Variants in CCDC9 observed in about 807,000 individuals in gnomAD.
The protein encoded by CCDC9 is coiled-coil domain containing 9.
CCDC9 carries 52 observed loss-of-function variants against 65.6 expected under a neutral mutation model. The ratio of observed to expected loss-of-function variants is 0.79; its 90% confidence interval spans 0.63 to 1.00. The LOEUF (loss-of-function observed/expected upper bound fraction) is 1.00, where lower values mean the gene tolerates loss of function less well. CCDC9 is among the 50% of genes least tolerant of loss of function. The pLI is 0.00. For synonymous variants in CCDC9, 332 were observed against 280.3 expected (o/e 1.18, Z -1.84); for missense variants, 834 against 757.2 (o/e 1.10, Z -1.19).
chr19:47,264,616 G>A lies in CCDC9; in HGVS notation c.476G>A (p.Arg159Gln), dbSNP rs748559994. Reference protein sequence around the residue: ...SDRKSKEWEERRRQNIEKMNE... With the variant: ...SDRKSKEWEEQRRQNIEKMNE... ...TTATCCCCCCAGGAGTGGGAGGAGC[G>A]GCGCAGGCAGAACATTGAGAAGATG... The change falls in exon 6 of 12, where the codon CGG (arginine) becomes CAG (glutamine). Residue 159 changes from arginine to glutamine, a missense_variant. Coordinates refer to ENST00000221922, the MANE Select transcript of CCDC9 (RefSeq NM_015603.3). 28 of 1,598,740 alleles carry A rather than the reference G, an allele frequency of 1.8e-5. No homozygotes were observed. Among genetic ancestry groups the A allele is most frequent in the Admixed American group, 1.0e-4 (6 of 57,696 alleles).
chr19:47,272,180 C>T, downstream of CCDC9: 1 of 1,230,038 alleles, frequency 8.1e-7, no homozygotes, highest in Non-Finnish European at 1.0e-6. Context: ...GTGCATGGGG[C>T]ATGGGATGGA....
At chr19:47,274,926 G>C (rs1405393886), downstream of CCDC9, 4 of 1,326,486 alleles carry the variant, frequency 3.0e-6, no homozygotes, top group Non-Finnish European at 3.8e-6. Context: ...GGGGATGCGG[G>C]GGACCAGCTG....
In CCDC9 at chr19:47,271,539, C is replaced by T. The variant is rs1404288355; in HGVS notation, c.1457C>T (p.Pro486Leu). ...PLLEPQAPGT[P>L]SSPFSPPSGH... ...CTGGAGCCCCAGGCCCCTGGCACGC[C>T]TTCCAGCCCTTTCTCACCACCCAGC... Residue 486 changes from proline to leucine, a missense_variant, in exon 12 of 12, where the codon CCT (proline) becomes CTT (leucine). Transcript: ENST00000221922. 6.2e-7 allele frequency: 1 copy of T among 1,613,268 alleles called. No homozygotes were observed. Among genetic ancestry groups the T allele is most frequent in the South Asian group, 1.1e-5 (1 of 91,056 alleles).
At chr19:47,264,505 G>T in intron 5 of CCDC9, 98 bp from the exon 6 acceptor site, 1 of 1,159,850 alleles carries the variant, frequency 8.6e-7, no homozygotes. Flanking sequence ...AGGCCAGTCC[G>T]AGGAGAGGAG....
chr19:47,267,707 C>T (rs2059091508), intron 8 of CCDC9, among the ~76,000 whole-genome samples: 2 of 152,128 alleles, frequency 1.3e-5, no homozygotes, highest in South Asian at 2.1e-4. Flanking sequence ...ACACCGGTGG[C>T]GGCAGGGACA....
At chr19:47,272,434 G>T (rs570007111), downstream of CCDC9, among the ~76,000 whole-genome samples, 7 of 152,072 alleles carry the variant, frequency 4.6e-5, no homozygotes, top group Non-Finnish European at 1.0e-4. Flanking sequence ...TTTTGGAGTC[G>T]AGCTCAGGGG....
chr19:47,275,166 C>T (rs562916215), downstream of CCDC9: 3 of 1,466,840 alleles, frequency 2.0e-6, no homozygotes, highest in South Asian at 1.4e-5. Flanking sequence ...CCCGGGCGTG[C>T]CGCCTGTCCC....
At chr19:47,266,307 G>C (rs2059082119) in intron 7 of CCDC9, 2 of 336,690 alleles carry the variant, frequency 5.9e-6, no homozygotes, top group South Asian at 1.7e-4. Context: ...AGAAGAGTTT[G>C]GAGGCAGAGC....
At chr19:47,275,140 C>T, downstream of CCDC9, 2 of 1,491,616 alleles carry the variant, frequency 1.3e-6, no homozygotes, top group South Asian at 2.5e-5. Flanking sequence ...GCGCCGTCCC[C>T]TCCGTGTGCT....
intron 5 of CCDC9, among the ~76,000 whole-genome samples, chr19:47,263,382 G>A (rs188907897): frequency 9.0e-4 from 137 of 152,230 alleles, no homozygotes; most frequent in African/African-American, 3.1e-3. Flanking sequence ...GAGGTCTGGA[G>A]GAAACCCGGC....
chr19:47,266,865 T>G (rs2059085862), intron 8 of CCDC9, 73 bp downstream of exon 8: 1 of 1,515,534 alleles, frequency 6.6e-7, no homozygotes, highest in Non-Finnish European at 8.9e-7. Flanking sequence ...CCTATGCCTC[T>G]CTCTGGTTTT....
At chr19:47,274,760 G>A (rs1171413913), downstream of CCDC9, 3 of 357,980 alleles carry the variant, frequency 8.4e-6, no homozygotes, top group Admixed American at 6.4e-5. Context: ...GTGGGCCTAG[G>A]ATGCGGAGGC....
chr19:47,275,345 G>C (rs1211065804), downstream of CCDC9: 41 of 1,541,666 alleles, frequency 2.7e-5, 1 homozygote, highest in Admixed American at 7.9e-4. Flanking sequence ...GAAGACCCGG[G>C]TAACTCTCCC....
At chr19:47,265,070 T>A in intron 7 of CCDC9, 124 bp downstream of exon 7, 1 of 798,760 alleles carries the variant, frequency 1.3e-6, no homozygotes, top group Non-Finnish European at 1.7e-6. Context: ...AGGACTTTTT[T>A]TTTTTGAGAC....
chr19:47,265,229 G>A (rs553172766), intron 7 of CCDC9, among the ~76,000 whole-genome samples: 4 of 151,956 alleles, frequency 2.6e-5, no homozygotes, highest in African/African-American at 7.2e-5. Flanking sequence ...TAATTTTTTC[G>A]TATTTTGTAG....
chr19:47,258,224 G>A (rs1317362634), intron 1 of CCDC9, 106 bp from the exon 2 acceptor site: 7 of 646,320 alleles, frequency 1.1e-5, no homozygotes, highest in East Asian at 1.0e-4. Context: ...ATTCTCTTGG[G>A]GTACAGGGTT....
chr19:47,275,409 G>T, downstream of CCDC9: 1 of 1,505,222 alleles, frequency 6.6e-7, no homozygotes, highest in Non-Finnish European at 8.9e-7. Context: ...CCACGCCGAG[G>T]ATGCACCGTC....
At position 47,266,685 on chromosome 19, in the gene CCDC9, G is replaced by T. The variant is rs141001862; in HGVS notation, c.795G>T (p.Leu265=). ...CGGGCCGGGAGCGGTCGGAGTACCTGCGCTGGAAGCAGGAGAGGGAGAAGA... is the reference window on the plus strand; with the variant it reads ...CGGGCCGGGAGCGGTCGGAGTACCTTCGCTGGAAGCAGGAGAGGGAGAAGA... ...SMTGRERSEY[L]RWKQEREKID... The change falls in exon 8 of 12, where the codon CTG becomes CTT. Residue 265 remains leucine (L), a synonymous_variant. Transcript: ENST00000221922. The T allele has an allele frequency of 1.2e-6, 2 of 1,608,922 alleles. No homozygotes were observed. The highest frequency in any genetic ancestry group is 1.3e-5 in the African/African-American group (1 of 74,884).
At position 47,260,632 on chromosome 19, in the gene CCDC9, G is replaced by A. The variant is rs1398786374; in HGVS notation, c.255G>A (p.Arg85=). The part of the protein sequence containing the change: ...GPSRRSPGTP[R]PPGASKGGRT... ...CCCGGAGGTCTCCTGGGACCCCTCGGCCCCCAGGGGCCAGCAAGGGGGGCC... is the reference window on the plus strand; with the variant it reads ...CCCGGAGGTCTCCTGGGACCCCTCGACCCCCAGGGGCCAGCAAGGGGGGCC... The change falls in exon 5 of 12, where the codon CGG becomes CGA. Residue 85 remains arginine (R), a synonymous_variant. Coordinates refer to ENST00000221922, the MANE Select transcript of CCDC9 (RefSeq NM_015603.3). The A allele has an allele frequency of 2.6e-6, 4 of 1,522,098 alleles. No individual in the cohort carries two copies. The highest frequency in any genetic ancestry group is 3.5e-6 in the Non-Finnish European group (4 of 1,144,510). 94.3% of individuals were successfully genotyped at this position (1,522,098 alleles called of 1,614,324 possible).
Sources: gnomAD v4.1 joint callset for allele counts (sites outside exome capture counted in the v4.1 genomes callset) on GRCh38, gnomAD v4.1.1 for gene constraint, MANE v1.5 for transcripts, NCBI Gene and HGNC (gene_info 2026-07-23, HGNC 2026-07-21) for gene names.